The following UBE2H variants were observed in gnomAD, a reference collection of about 807,000 sequenced individuals.
The protein encoded by UBE2H is ubiquitin conjugating enzyme E2 H.
UBE2H carries 3 observed loss-of-function variants against 29.0 expected under a neutral mutation model. That is an observed-to-expected ratio of 0.10 (90% CI 0.05 to 0.27). UBE2H has a LOEUF of 0.27. Ranked by LOEUF, UBE2H falls within the 10% of genes least tolerant of loss-of-function variation. The pLI is 1.00. For synonymous variants in UBE2H, 69 were observed against 82.9 expected (o/e 0.83, Z 0.91); for missense variants, 68 against 228.2 (o/e 0.30, Z 4.52).
intron 1 of UBE2H, among the ~76,000 whole-genome samples, chr7:129,907,992 T>G (rs1042171881): frequency 6.6e-6 from 1 of 152,186 alleles, no homozygotes; most frequent in Admixed American, 6.5e-5. Context: ...ATAGAGTATT[T>G]ATACCTCAGA....
chr7:129,883,989 G>A (rs1806306725), intron 1 of UBE2H, among the ~76,000 whole-genome samples: 1 of 151,582 alleles, frequency 6.6e-6, no homozygotes, highest in South Asian at 2.1e-4. Flanking sequence ...CCAACAACTT[G>A]GGAGGCTGAA....
intron 3 of UBE2H, among the ~76,000 whole-genome samples, chr7:129,868,586 CAAAAAA>C (rs11356893): frequency 2.9e-5 from 2 of 69,514 alleles, no homozygotes; most frequent in Non-Finnish European, 4.9e-5. Context: ...GACTCCGTCT[CAAAAAA>C]AAAAAAAAAA....
intron 1 of UBE2H, among the ~76,000 whole-genome samples, chr7:129,950,084 C>T (rs1807844770): frequency 6.6e-6 from 1 of 152,120 alleles, no homozygotes; most frequent in African/African-American, 2.4e-5. Context: ...TCCATTTGGG[C>T]CTACTGATCT....
intron 5 of UBE2H, among the ~76,000 whole-genome samples, chr7:129,850,865 G>A (rs926737865): frequency 6.0e-5 from 9 of 149,254 alleles, no homozygotes; most frequent in Non-Finnish European, 1.0e-4. Flanking sequence ...AGGGGGATGG[G>A]GGGAGGGACA....
At position 129,835,030 on chromosome 7, in the gene UBE2H, C is replaced by T. The variant is rs529670544; in HGVS notation, c.459G>A (p.Ala153=). ...EYIQKYATEE[A]LKEQEEGTGD... is the part of the protein sequence containing the mutation. ...CGGTACCCTCTTCCTGTTCTTTCAGCGCCTCCTCCGTGGCGTATTTCTGGA... is the reference window on the plus strand; with the variant it reads ...CGGTACCCTCTTCCTGTTCTTTCAGTGCCTCCTCCGTGGCGTATTTCTGGA... The change falls in exon 7 of 7, where the codon GCG becomes GCA. Residue 153 remains alanine, a synonymous_variant. Transcript: ENST00000355621. 5.1e-5 allele frequency: 82 copies of T among 1,614,058 alleles called. No homozygotes were observed. The highest frequency in any genetic ancestry group is 3.8e-4 in the East Asian group (17 of 44,880).
At chr7:129,928,330 C>T (rs997212376) in intron 1 of UBE2H, among the ~76,000 whole-genome samples, 8 of 152,116 alleles carry the variant, frequency 5.3e-5, no homozygotes, top group Admixed American at 2.0e-4. Context: ...TGGCCAGGCA[C>T]GGTGGCTCAT....
chr7:129,927,514 T>C (rs1170420742), intron 1 of UBE2H, among the ~76,000 whole-genome samples: 2 of 152,146 alleles, frequency 1.3e-5, no homozygotes, highest in Admixed American at 1.3e-4. Flanking sequence ...CACTCCAGCC[T>C]GGCTGACAGA....
intron 5 of UBE2H, among the ~76,000 whole-genome samples, chr7:129,843,934 A>T (rs1805470277): frequency 6.6e-6 from 1 of 152,228 alleles, no homozygotes; most frequent in South Asian, 2.1e-4. Context: ...AGGGCTAGAG[A>T]AATATCACAG....
chr7:129,948,273 A>C (rs1318287381), intron 1 of UBE2H, among the ~76,000 whole-genome samples: 1 of 151,858 alleles, frequency 6.6e-6, no homozygotes, highest in Admixed American at 6.6e-5. Flanking sequence ...CTCCCGCCTC[A>C]GCCTCCCAAA....
intron 3 of UBE2H, among the ~76,000 whole-genome samples, chr7:129,859,984 G>C (rs1167645751): frequency 6.6e-6 from 1 of 152,162 alleles, no homozygotes; most frequent in Admixed American, 6.5e-5. Context: ...CACTATTCTT[G>C]AGGAGGTCAC....
At position 129,839,101 on chromosome 7, in the gene UBE2H, T is replaced by C. The variant is rs988823514; in HGVS notation, c.427+106A>G. 1.1e-5 allele frequency: 17 copies of C among 1,499,350 alleles called. No homozygotes were observed. The African/African-American group carries it at 2.4e-4, about 21-fold the overall frequency. 92.9% of individuals were successfully genotyped at this position (1,499,350 alleles called of 1,614,324 possible). Reference sequence around the variant, plus strand: ...GCCCACAGCTGTCTCTTTTTAGGCCTAAGAAAAAGTATTAGGAACTAAGTA... The same window carrying C: ...GCCCACAGCTGTCTCTTTTTAGGCCCAAGAAAAAGTATTAGGAACTAAGTA... On this transcript the variant is annotated intron_variant, in intron 6 of 6. Coordinates refer to ENST00000355621, the MANE Select transcript of UBE2H (RefSeq NM_003344.4).
intron 1 of UBE2H, among the ~76,000 whole-genome samples, chr7:129,881,463 A>G (rs554955166): frequency 1.3e-4 from 20 of 152,294 alleles, no homozygotes; most frequent in African/African-American, 4.3e-4. Context: ...CGTGGCCTAT[A>G]TGGTGAAACC....
At chr7:129,936,398 T>C (rs1807528375) in intron 1 of UBE2H, among the ~76,000 whole-genome samples, 2 of 151,808 alleles carry the variant, frequency 1.3e-5, no homozygotes, top group Middle Eastern at 3.4e-3. Flanking sequence ...ATCGAGACCA[T>C]CCTGGCTAAC....
intron 1 of UBE2H, among the ~76,000 whole-genome samples, chr7:129,930,011 A>C (rs1281762949): frequency 2.0e-5 from 3 of 152,188 alleles, no homozygotes; most frequent in Non-Finnish European, 1.5e-5. Context: ...ATCTCAAAAA[A>C]CAAAACAAAA....
At chr7:129,941,111 C>T (rs1465370458) in intron 1 of UBE2H, among the ~76,000 whole-genome samples, 2 of 152,202 alleles carry the variant, frequency 1.3e-5, no homozygotes, top group African/African-American at 4.8e-5. Flanking sequence ...CAAGCCACCA[C>T]GCCCGGCTAA....
chr7:129,910,566 T>G (rs529955368), intron 1 of UBE2H, among the ~76,000 whole-genome samples: 1 of 152,030 alleles, frequency 6.6e-6, no homozygotes, highest in Non-Finnish European at 1.5e-5. Context: ...AAAGAGCAAC[T>G]AAGGAGTTTT....
intron 5 of UBE2H, among the ~76,000 whole-genome samples, chr7:129,841,606 G>C (rs970255192): frequency 6.6e-6 from 1 of 152,198 alleles, no homozygotes; most frequent in African/African-American, 2.4e-5. Flanking sequence ...CAGGTCTAGA[G>C]AATGATGGGC....
intron 1 of UBE2H, among the ~76,000 whole-genome samples, chr7:129,889,414 T>G (rs1468051109): frequency 1.3e-5 from 2 of 152,208 alleles, no homozygotes; most frequent in Admixed American, 1.3e-4. Flanking sequence ...ATGTCTAATT[T>G]TCATGACAAA....
intron 5 of UBE2H, among the ~76,000 whole-genome samples, chr7:129,851,560 T>G (rs1209263609): frequency 6.6e-6 from 1 of 152,194 alleles, no homozygotes; most frequent in Non-Finnish European, 1.5e-5. Context: ...CGTAAGTGAA[T>G]GAAGATAAAA....
Sources: gnomAD v4.1 joint callset for allele counts (sites outside exome capture counted in the v4.1 genomes callset) on GRCh38, gnomAD v4.1.1 for gene constraint, MANE v1.5 for transcripts, NCBI Gene and HGNC (gene_info 2026-07-23, HGNC 2026-07-21) for gene names.